The following TPD52L1 variants were observed in gnomAD, a reference collection of about 807,000 sequenced individuals.
TPD52L1 encodes the protein tumor protein D53.
Under a neutral mutation model 28.7 loss-of-function variants are expected in TPD52L1, and 18 were observed. The ratio of observed to expected loss-of-function variants is 0.63; its 90% CI spans 0.43 to 0.93. TPD52L1 has a LOEUF of 0.93. Ranked by LOEUF, TPD52L1 falls within the 40% of genes least tolerant of loss-of-function variation. The pLI, the probability that TPD52L1 is intolerant of heterozygous loss-of-function variation, is 0.00. For missense variants in TPD52L1, 203 were observed against 254.8 expected, an observed-to-expected ratio of 0.80 and a Z score of 1.39; for synonymous variants, 75 against 88.8, an observed-to-expected ratio of 0.84 and a Z score of 0.88.
chr6:125,172,331 G>A (rs779766001), intron 1 of TPD52L1, among the ~76,000 whole-genome samples: 71 of 130,094 alleles, frequency 5.5e-4, no homozygotes, highest in Non-Finnish European at 2.1e-4. Context: ...AGTCTTTCTC[G>A]TCACCCAGAC....
rs1398145453 is a variant in TPD52L1, at chr6:125,212,662, G to A, written c.20-7416G>A. Among the ~76,000 whole-genome samples the A allele has an allele frequency of 2.6e-5, 4 of 152,222 alleles. No individual in the cohort carries two copies. The East Asian group carries it at 7.7e-4, about 29-fold the overall frequency. On this transcript the variant is annotated intron_variant, in intron 1 of 6. Coordinates refer to ENST00000534000, the MANE Select transcript of TPD52L1 (RefSeq NM_003287.4). ...TAAGACAGGGAAGGGCATAAGCTTT[G>A]GTGCCAGACTAGCTTTAGTTAAAGC...
chr6:125,217,039 A>T (rs1418248825), intron 1 of TPD52L1, among the ~76,000 whole-genome samples: 1 of 152,170 alleles, frequency 6.6e-6, no homozygotes, highest in Non-Finnish European at 1.5e-5. Context: ...TTTATTAAAT[A>T]ATTATAAGTA....
rs1234702902 is a variant in TPD52L1 at position 125,235,179 on chromosome 6, A to T, written c.284+5913A>T. On this transcript the variant is annotated intron_variant, in intron 3 of 6. Coordinates refer to ENST00000534000, the MANE Select transcript of TPD52L1 (RefSeq NM_003287.4). ...GATAGGAGGGGTTTTTTTCCCCAAGACTCAGGCTCCTAGCTTCTGGATGGG... is the reference window on the plus strand; with the variant it reads ...GATAGGAGGGGTTTTTTTCCCCAAGTCTCAGGCTCCTAGCTTCTGGATGGG... 2.6e-5 allele frequency among the ~76,000 whole-genome samples: 4 copies of T among 151,248 alleles called. No individual in the cohort carries two copies. In the East Asian group the frequency reaches 7.7e-4, roughly 29 times the overall value.
Position 125,229,143 on chromosome 6 carries a change from G to T in TPD52L1, c.161G>T (p.Arg54Leu). Residue 54 changes from arginine (R) to leucine (L), a missense_variant, in exon 3 of 7, where the codon CGA (arginine) becomes CTA (leucine). Physicochemically the swap from Arg to Leu is moderately radical, Grantham distance 102. Transcript: ENST00000534000. ...VQLEDEITTL[R>L]QVLSAKERHL... ...CTAGAAGACGAAATTACAACACTAC[G>T]ACAAGTTTTGTCAGCGAAAGAAAGG... 6.2e-7 allele frequency: 1 copy of T among 1,613,078 alleles called. No homozygotes were observed. Among genetic ancestry groups the T allele is most frequent in the South Asian group, 1.1e-5 (1 of 90,898 alleles).
chr6:125,224,066 TTCTC>T (rs1013231616), intron 2 of TPD52L1, among the ~76,000 whole-genome samples: 6 of 151,898 alleles, frequency 4.0e-5, no homozygotes, highest in South Asian at 2.1e-4. Flanking sequence ...TGTTTTTTTT[TTCTC>T]TCTCTCTCTC....
chr6:125,238,122 C>T (rs945411472), intron 3 of TPD52L1, among the ~76,000 whole-genome samples: 1 of 152,178 alleles, frequency 6.6e-6, no homozygotes, highest in African/African-American at 2.4e-5. Flanking sequence ...GGCCAAGACA[C>T]TACATTTACA....
In TPD52L1 at chr6:125,208,661, C is replaced by T. The variant is rs116215778; in HGVS notation, c.20-11417C>T. ...CCTTTAGCTGTGGTCTGCCCTTACACCCTCATGCTAGGACATGTGGAGGTT... is the reference window on the plus strand; with the variant it reads ...CCTTTAGCTGTGGTCTGCCCTTACATCCTCATGCTAGGACATGTGGAGGTT... On this transcript the variant is annotated intron_variant, in intron 1 of 6. Coordinates refer to ENST00000534000, the MANE Select transcript of TPD52L1 (RefSeq NM_003287.4). Among the ~76,000 whole-genome samples the T allele has an allele frequency of 1.6e-3, 244 of 152,256 alleles. 2 individuals are homozygous for T. The highest frequency in any genetic ancestry group is 4.8e-3 in the African/African-American group (200 of 41,536).
chr6:125,217,998 C>A (rs13212698), intron 1 of TPD52L1, among the ~76,000 whole-genome samples: 1 of 152,026 alleles, frequency 6.6e-6, no homozygotes, highest in Non-Finnish European at 1.5e-5. Context: ...TGTTTATGAA[C>A]TTTTGTGTGA....
intron 6 of TPD52L1, among the ~76,000 whole-genome samples, chr6:125,258,512 A>G (rs560253452): frequency 2.6e-5 from 4 of 152,292 alleles, no homozygotes; most frequent in Admixed American, 6.5e-5. Flanking sequence ...AGACGACCCA[A>G]TGAGGATGGG....
At chr6:125,209,653 G>T (rs567834772) in intron 1 of TPD52L1, among the ~76,000 whole-genome samples, 4 of 152,168 alleles carry the variant, frequency 2.6e-5, no homozygotes, top group Non-Finnish European at 5.9e-5. Context: ...TAACAATGCC[G>T]CTGTGTTGAG....
At chr6:125,201,982 C>T (rs1011446400) in intron 1 of TPD52L1, among the ~76,000 whole-genome samples, 48 of 152,228 alleles carry the variant, frequency 3.2e-4, no homozygotes, top group African/African-American at 1.2e-3. Context: ...GTTACTGAAC[C>T]GATTTGCTTA....
intron 4 of TPD52L1, among the ~76,000 whole-genome samples, chr6:125,249,428 C>T (rs889781203): frequency 3.3e-5 from 5 of 151,736 alleles, no homozygotes; most frequent in African/African-American, 7.2e-5. Flanking sequence ...CCTGTAATCC[C>T]GTCATTTTGG....
At chr6:125,186,115 A>G (rs1792606724) in intron 1 of TPD52L1, among the ~76,000 whole-genome samples, 1 of 152,000 alleles carries the variant, frequency 6.6e-6, no homozygotes, top group Non-Finnish European at 1.5e-5. Context: ...GCTGGTCTCG[A>G]ACTCCTGATC....
intron 6 of TPD52L1, 70 bp from the exon 7 acceptor site, chr6:125,262,764 T>C: frequency 6.6e-7 from 1 of 1,522,668 alleles, no homozygotes; most frequent in Non-Finnish European, 8.8e-7. Flanking sequence ...CAGCTTTTGG[T>C]ATTCTTATAA....
chr6:125,196,197 A>G lies in TPD52L1; in HGVS notation c.20-23881A>G, dbSNP rs560147389. ...TCATCAAAGACTCAGGAAAACAAGGAAAGATAAGCTTTCTGTAGCTTCCAA... is the reference window on the plus strand; with the variant it reads ...TCATCAAAGACTCAGGAAAACAAGGGAAGATAAGCTTTCTGTAGCTTCCAA... On this transcript the variant is annotated intron_variant, in intron 1 of 6. Coordinates refer to ENST00000534000, the MANE Select transcript of TPD52L1 (RefSeq NM_003287.4). Among the ~76,000 whole-genome samples the G allele has an allele frequency of 7.2e-5, 11 of 152,344 alleles. No individual in the cohort carries two copies. In the South Asian group the frequency reaches 1.7e-3, roughly 23 times the overall value.
intron 3 of TPD52L1, among the ~76,000 whole-genome samples, chr6:125,238,715 A>C (rs1459835464): frequency 6.6e-5 from 10 of 152,188 alleles, no homozygotes; most frequent in African/African-American, 2.4e-4. Flanking sequence ...GGTATGTAGG[A>C]ATATATATTA....
At chr6:125,209,609 A>T (rs1794371034) in intron 1 of TPD52L1, among the ~76,000 whole-genome samples, 2 of 152,232 alleles carry the variant, frequency 1.3e-5, no homozygotes, top group Admixed American at 1.3e-4. Flanking sequence ...ACTGGTAGCT[A>T]CAGTTCCATC....
intron 6 of TPD52L1, chr6:125,261,002 GAAAGAAAGAAAGAAAGAAAAGAAAAGAA>G (rs1797985163): frequency 2.3e-5 from 1 of 43,302 alleles, no homozygotes; most frequent in African/African-American, 1.5e-4. Context: ...AAGAAAGAAA[GAAAGAAAGAAAGAAAGAAAAGAAAAGAA>G]AGAAAGAAAG....
chr6:125,211,307 C>CTATCTATCT lies in TPD52L1; in HGVS notation c.20-8771_20-8770insTATCTATCT, dbSNP rs1554209654. ...TCTATCTATCTATCTATCTATCTAT[C>CTATCTATCT]GTGTAACACATATGTTAAAGATGTA... On this transcript the variant is annotated intron_variant, in intron 1 of 6. Transcript: ENST00000534000. Among the ~76,000 whole-genome samples, 484 of 147,146 alleles carry CTATCTATCT rather than the reference C, an allele frequency of 3.3e-3. 3 individuals carry two copies. Among genetic ancestry groups the CTATCTATCT allele is most frequent in the Middle Eastern group, 7.0e-3 (2 of 284 alleles).
Sources: gnomAD v4.1 joint callset for allele counts (sites outside exome capture counted in the v4.1 genomes callset) on GRCh38, gnomAD v4.1.1 for gene constraint, MANE v1.5 for transcripts, NCBI Gene and HGNC (gene_info 2026-07-23, HGNC 2026-07-21) for gene names.